Variants in KDM3B observed in about 807,000 individuals in gnomAD.
KDM3B encodes lysine demethylase 3B, also known as lysine-specific demethylase 3B.
Under a neutral mutation model 170.0 loss-of-function variants are expected in KDM3B, and 10 were observed. That is an observed-to-expected ratio of 0.06 (90% CI 0.04 to 0.10). The LOEUF is 0.10. KDM3B is among the 10% of genes least tolerant of loss of function. The pLI is 1.00. For synonymous variants in KDM3B, 831 were observed against 834.8 expected (o/e 1.00, Z 0.08); for missense variants, 1,394 against 2,195.2 (o/e 0.64, Z 7.29).
chr5:138,407,220 AG>A (rs1391839408), intron 11 of KDM3B, among the ~76,000 whole-genome samples: 1 of 152,044 alleles, frequency 6.6e-6, no homozygotes, highest in Non-Finnish European at 1.5e-5. Flanking sequence ...TCCTGACCTC[AG>A]GTGACCTGCC....
intron 3 of KDM3B, 88 bp from the exon 4 acceptor site, chr5:138,377,632 A>T (rs1762030479): frequency 3.4e-6 from 3 of 894,378 alleles, no homozygotes; most frequent in East Asian, 2.6e-5. Flanking sequence ...GTTGATATAC[A>T]GCTCCTTAGG....
At position 138,375,093 on chromosome 5, in the gene KDM3B, A is replaced by G; in HGVS notation, c.361A>G (p.Thr121Ala). ...AATTTCTTGTCATTGTACTTCACAG[A>G]CTTTTACTCCCCTTGTAGATAAACT... ...RVSIAQWPAL[T>A]FTPLVDKLGL... Residue 121 changes from threonine to alanine, a missense_variant and splice_region_variant, in exon 3 of 24, where the codon ACT becomes GCT. Transcript: ENST00000314358. The G allele has an allele frequency of 1.3e-6, 2 of 1,566,312 alleles. No homozygotes were observed. The highest frequency in any genetic ancestry group is 1.8e-6 in the Non-Finnish European group (2 of 1,136,964).
At chr5:138,358,568 A>G (rs1011728262) in intron 1 of KDM3B, among the ~76,000 whole-genome samples, 2 of 148,448 alleles carry the variant, frequency 1.3e-5, no homozygotes, top group Non-Finnish European at 3.0e-5. Context: ...GGCCTCCCAA[A>G]CTGCTGGGAT....
intron 1 of KDM3B, among the ~76,000 whole-genome samples, chr5:138,361,172 G>A (rs905004894): frequency 4.6e-5 from 7 of 152,232 alleles, no homozygotes; most frequent in African/African-American, 1.7e-4. Context: ...GTTTTCCACT[G>A]CCTTTGACAG....
At chr5:138,355,650 T>C (rs1761430617) in intron 1 of KDM3B, among the ~76,000 whole-genome samples, 1 of 152,196 alleles carries the variant, frequency 6.6e-6, no homozygotes, top group South Asian at 2.1e-4. Flanking sequence ...AGTTTATGGG[T>C]TGTATGCATT....
At chr5:138,360,448 T>G (rs1761567188) in intron 1 of KDM3B, among the ~76,000 whole-genome samples, 1 of 152,076 alleles carries the variant, frequency 6.6e-6, no homozygotes, top group Non-Finnish European at 1.5e-5. Context: ...TCAGGTCTGT[T>G]TTTGAAACAC....
chr5:138,352,784 C>G lies in KDM3B; in HGVS notation c.-12C>G. 7.9e-7 allele frequency: 1 copy of G among 1,266,006 alleles called. No individual in the cohort carries two copies. Among genetic ancestry groups the G allele is most frequent in the Non-Finnish European group, 9.9e-7 (1 of 1,007,326 alleles). The allele number at this position is 1,266,006 out of a possible 1,614,324, so 78.4% of individuals were successfully genotyped here. On this transcript the variant is annotated 5_prime_UTR_variant, in exon 1 of 24. Transcript: ENST00000314358. ...GCGGCGGGCGGGAGCGCGGGTCAGGCCGGCCCCGGCGATGGCGGACGCGGC... is the reference window on the plus strand; with the variant it reads ...GCGGCGGGCGGGAGCGCGGGTCAGGGCGGCCCCGGCGATGGCGGACGCGGC...
chr5:138,362,852 A>G (rs895815542), intron 1 of KDM3B, among the ~76,000 whole-genome samples: 4 of 149,902 alleles, frequency 2.7e-5, no homozygotes, highest in Non-Finnish European at 4.4e-5. Flanking sequence ...ACTCATTTAC[A>G]TTAGGTATAT....
In KDM3B at chr5:138,391,229, A is replaced by G. The variant is rs1408561550; in HGVS notation, c.1597A>G (p.Thr533Ala). ...KNLFFQCMSQTLPTSNYFTTV... is the reference protein window; with the variant it reads ...KNLFFQCMSQALPTSNYFTTV... ...CTTGTTTTTTCAATGCATGTCCCAA[A>G]CTTTACCTACCAGTAACTACTTCAC... Residue 533 changes from threonine (T) to alanine (A), a missense_variant, in exon 8 of 24, where the codon ACT (threonine) becomes GCT (alanine). This residue lies in a region of KDM3B where 294 missense variants were observed against 311.7 expected (regional missense o/e 0.94). Transcript: ENST00000314358. The surrounding 1 kb of genome is among the most constrained non-coding windows in gnomAD (Gnocchi z 5.0). The G allele has an allele frequency of 6.2e-7, 1 of 1,614,058 alleles. No individual in the cohort carries two copies. The highest frequency in any genetic ancestry group is 1.3e-5 in the African/African-American group (1 of 75,036).
At position 138,419,381 on chromosome 5, in the gene KDM3B, C is replaced by T. The variant is rs1057145324; in HGVS notation, c.3715+149C>T. The T allele has an allele frequency of 4.9e-6, 5 of 1,019,728 alleles. No individual in the cohort carries two copies. In the Admixed American group the frequency reaches 8.4e-5, roughly 17 times the overall value. The allele number at this position is 1,019,728 out of a possible 1,614,324, so 63.2% of individuals were successfully genotyped here. On this transcript the variant is annotated intron_variant, in intron 14 of 23. Coordinates refer to ENST00000314358, the MANE Select transcript of KDM3B (RefSeq NM_016604.4). ...CACATGAGGGACTGCCGGGGCCTGG[C>T]GTGGTGGCTCACGCGTGTAATCCCA... is the stretch of plus-strand genomic sequence containing the variant.
At chr5:138,382,367 G>A (rs966539523) in intron 6 of KDM3B, among the ~76,000 whole-genome samples, 2 of 152,110 alleles carry the variant, frequency 1.3e-5, no homozygotes, top group East Asian at 1.9e-4. Flanking sequence ...TGGGAGAATC[G>A]CTAGAACCTG....
At chr5:138,429,585 A>T (rs926879924) in intron 20 of KDM3B, among the ~76,000 whole-genome samples, 2 of 152,212 alleles carry the variant, frequency 1.3e-5, no homozygotes, top group African/African-American at 4.8e-5. Flanking sequence ...CAGTTTAAGC[A>T]AAAAATATGT....
rs909140949 is a variant in KDM3B at position 138,431,110 on chromosome 5, C to CT, written c.5071-306dup. On this transcript the variant is annotated intron_variant, in intron 22 of 23. Coordinates refer to ENST00000314358, the MANE Select transcript of KDM3B (RefSeq NM_016604.4). ...TTTATGTATTTCTTTTTTCCTTTTT[C>CT]TTTTTTTTTGTTTTTTTGGTAGAGA... is the stretch of plus-strand genomic sequence containing the variant. Among the ~76,000 whole-genome samples, 51 of 150,228 alleles carry CT rather than the reference C, an allele frequency of 3.4e-4. 1 individual carries two copies. Among genetic ancestry groups the CT allele is most frequent in the East Asian group, 2.1e-3 (11 of 5,152 alleles).
At chr5:138,359,463 AC>A (rs1483883613) in intron 1 of KDM3B, among the ~76,000 whole-genome samples, 1 of 85,840 alleles carries the variant, frequency 1.2e-5, no homozygotes, top group African/African-American at 4.5e-5. Context: ...TGCCCCCCCC[AC>A]CTTTTTTTTT....
At chr5:138,422,310 G>C (rs538698732) in intron 15 of KDM3B, among the ~76,000 whole-genome samples, 202 of 152,172 alleles carry the variant, frequency 1.3e-3, no homozygotes, top group African/African-American at 4.4e-3. Flanking sequence ...AGCATTTATT[G>C]AATGAATGAA....
chr5:138,428,216 T>TTTG, intron 20 of KDM3B, 130 bp downstream of exon 20: 1 of 930,950 alleles, frequency 1.1e-6, no homozygotes, highest in Non-Finnish European at 1.6e-6. Context: ...TTTTTTTTTT[T>TTTG]GGGGGGCGGG....
chr5:138,369,518 C>G (rs1761823492), intron 1 of KDM3B, among the ~76,000 whole-genome samples: 1 of 152,120 alleles, frequency 6.6e-6, no homozygotes, highest in African/African-American at 2.4e-5. Context: ...ACGCACACAC[C>G]CACACCTCCC....
intron 6 of KDM3B, chr5:138,381,866 T>C (rs1762133524): frequency 2.8e-6 from 1 of 353,926 alleles, no homozygotes; most frequent in Admixed American, 4.3e-5. Flanking sequence ...AGGACAGGTA[T>C]ATTTGAAAGA....
At chr5:138,419,766 C>CACACACACACACAT (rs1371751932) in intron 14 of KDM3B, among the ~76,000 whole-genome samples, 14 of 132,082 alleles carry the variant, frequency 1.1e-4, no homozygotes, top group Admixed American at 5.2e-4. Flanking sequence ...CACACACACA[C>CACACACACACACAT]ATATATATGA....
Sources: gnomAD v4.1 joint callset for allele counts (sites outside exome capture counted in the v4.1 genomes callset) on GRCh38, gnomAD v4.1.1 for gene constraint, gnomAD v4.1.1 regional missense constraint, Gnocchi (gnomAD v3.1) non-coding constraint, MANE v1.5 for transcripts, NCBI Gene and HGNC (gene_info 2026-07-23, HGNC 2026-07-21) for gene names.